AQP8: variants seen among roughly 807,000 people sequenced by gnomAD.
AQP8 encodes the protein aquaporin 8.
Under a neutral mutation model 26.1 loss-of-function variants are expected in AQP8, and 14 were observed. That is an observed-to-expected ratio of 0.54 (90% confidence interval 0.35 to 0.84). The LOEUF (loss-of-function observed/expected upper bound fraction) is 0.84. Ranked by LOEUF, AQP8 falls within the 40% of genes least tolerant of loss-of-function variation. AQP8 has a pLI of 0.01. For synonymous variants in AQP8, 131 were observed against 150.7 expected (o/e 0.87, Z 0.96); for missense variants, 301 against 340.5 (o/e 0.88, Z 0.91).
At position 25,219,106 on chromosome 16, in the gene AQP8, C is replaced by T. The variant is rs143342229; in HGVS notation, c.260+1661C>T. Among the ~76,000 whole-genome samples the T allele has an allele frequency of 1.9e-3, 285 of 151,400 alleles. 18 individuals carry two copies. Among genetic ancestry groups the T allele is most frequent in the African/African-American group, 6.7e-3 (275 of 41,082 alleles). On this transcript the variant is annotated intron_variant, in intron 2 of 5. Coordinates refer to ENST00000219660, the MANE Select transcript of AQP8 (RefSeq NM_001169.3). Reference sequence around the variant, plus strand: ...AATAATAGCTGATGTTTTTTGAATGCTAACTACATAGATACTACTATGGGC... The same window carrying T: ...AATAATAGCTGATGTTTTTTGAATGTTAACTACATAGATACTACTATGGGC...
intron 3 of AQP8, among the ~76,000 whole-genome samples, chr16:25,223,020 C>T (rs776409800): frequency 3.3e-5 from 5 of 152,374 alleles, no homozygotes; most frequent in African/African-American, 2.4e-5. Context: ...CTTATTTCAT[C>T]TCCCAGCAAC....
rs1298440339 is a variant in AQP8 at position 25,222,676 on chromosome 16, T to TG, written c.387+1094dup. Among the ~76,000 whole-genome samples the TG allele has an allele frequency of 3.9e-4, 59 of 149,660 alleles. No homozygotes were observed. In the East Asian group the frequency reaches 0.01, roughly 25 times the overall value. ...AGATGTGGGCCTTGCTTGGTGTGTGTGTGGGGGGTGGTGGATGGGGGAGCT... is the reference window on the plus strand; with the variant it reads ...AGATGTGGGCCTTGCTTGGTGTGTGTGGTGGGGGGTGGTGGATGGGGGAGCT... On this transcript the variant is annotated intron_variant, in intron 3 of 5. Coordinates refer to ENST00000219660, the MANE Select transcript of AQP8 (RefSeq NM_001169.3).
intron 2 of AQP8, among the ~76,000 whole-genome samples, chr16:25,220,007 C>T (rs1424081042): frequency 6.6e-5 from 10 of 151,798 alleles, no homozygotes; most frequent in Admixed American, 6.6e-4. Context: ...TGCACTCCAG[C>T]CTGGGTGACA....
At chr16:25,225,486 T>C (rs75148064) in intron 4 of AQP8, among the ~76,000 whole-genome samples, 1 of 150,100 alleles carries the variant, frequency 6.7e-6, no homozygotes, top group African/African-American at 2.4e-5. Flanking sequence ...TTTTTTTTTT[T>C]AGCTCCGCTT....
intron 4 of AQP8, among the ~76,000 whole-genome samples, chr16:25,226,280 CAG>C (rs1472367645): frequency 6.6e-6 from 1 of 151,914 alleles, no homozygotes; most frequent in East Asian, 1.9e-4. Context: ...GTTTTTGAGA[CAG>C]AGTCTTGCTC....
At chr16:25,217,785 C>T (rs984972511) in intron 2 of AQP8, among the ~76,000 whole-genome samples, 1 of 152,326 alleles carries the variant, frequency 6.6e-6, no homozygotes, top group East Asian at 1.9e-4. Flanking sequence ...GCCTTGGCTT[C>T]CCAAAGTTTT....
chr16:25,226,877 G>A (rs1162321972), intron 4 of AQP8, among the ~76,000 whole-genome samples, 191 bp from the exon 5 acceptor site: 1 of 152,140 alleles, frequency 6.6e-6, no homozygotes, highest in African/African-American at 2.4e-5. Context: ...GCCCAGCGGG[G>A]AGCCATGCCT....
In AQP8 at chr16:25,224,402, C is replaced by T. The variant is rs771158498; in HGVS notation, c.428C>T (p.Ala143Val). 1.7e-5 allele frequency: 27 copies of T among 1,613,868 alleles called. 1 individual carries two copies. Among genetic ancestry groups the T allele is most frequent in the South Asian group, 6.6e-5 (6 of 91,076 alleles). ...GAGAGGTTCTGGAATGCATCTGGGG[C>T]GGCCTTTGTGACAGTCCAGGAGCAG... Reference protein sequence around the residue: ...PEERFWNASGAAFVTVQEQGQ... With the variant: ...PEERFWNASGVAFVTVQEQGQ... Residue 143 changes from alanine to valine, a missense_variant, in exon 4 of 6, where the codon GCG (alanine) becomes GTG (valine). Physicochemically the swap from Ala to Val is moderately conservative, Grantham distance 64. Transcript: ENST00000219660.
chr16:25,217,524 C>T, intron 2 of AQP8, 79 bp downstream of exon 2: 1 of 1,556,780 alleles, frequency 6.4e-7, no homozygotes, highest in South Asian at 1.2e-5. Flanking sequence ...GTCAAGGACC[C>T]CTGGGCGCAT....
chr16:25,221,528 TC>T lies in AQP8; in HGVS notation c.335del (p.Pro112ArgfsTer20). On this transcript the variant is annotated frameshift_variant, in exon 3 of 6. Transcript: ENST00000219660. LOFTEE classifies it high-confidence loss of function. ...GGAGGCCTCAACCTGGTGATGCTCC[TC>T]CCGTACTGGGTCTCACAGCTGCTCG... ...LIGGLNLVMLLPYWVSQLLGG... is the reference protein window; with the variant it reads ...LIGGLNLVMLXPYWVSQLLGG... 6.2e-7 allele frequency: 1 copy of T among 1,614,044 alleles called. No individual in the cohort carries two copies. Among genetic ancestry groups the T allele is most frequent in the Non-Finnish European group, 8.5e-7 (1 of 1,179,988 alleles).
chr16:25,217,344 C>G lies in AQP8; in HGVS notation c.159C>G (p.Cys53Trp). The change falls in exon 2 of 6, where the codon TGC becomes TGG. Residue 53 changes from cysteine to tryptophan, a missense_variant. Physicochemically the swap from Cys to Trp is radical, Grantham distance 215. Transcript: ENST00000219660. ...LGSALFIFIGCLSVIENGTDT... is the reference protein window; with the variant it reads ...LGSALFIFIGWLSVIENGTDT... ...CTGCTCTCTTCATCTTCATCGGGTG[C>G]CTGTCGGTCATTGAGAATGGGACGG... 1 of 1,614,146 alleles carries G rather than the reference C, an allele frequency of 6.2e-7. No homozygotes were observed. The highest frequency in any genetic ancestry group is 8.5e-7 in the Non-Finnish European group (1 of 1,180,010).
Position 25,228,440 on chromosome 16 carries a change from G to C in AQP8, c.738-4G>C, listed in dbSNP as rs767957341. On this transcript the variant is annotated splice_region_variant and splice_polypyrimidine_tract_variant and intron_variant, in intron 5 of 5. Transcript: ENST00000219660. ...GAGACCTTACTGGGTCATCTTTCTT[G>C]CAGGTGCTTCATTGGAGATGGGAAG... is the stretch of plus-strand genomic sequence containing the variant. The C allele has an allele frequency of 9.3e-6, 15 of 1,613,784 alleles. No individual in the cohort carries two copies. In the Admixed American group the frequency reaches 1.7e-4, roughly 18 times the overall value.
At chr16:25,223,431 G>A (rs915709621) in intron 3 of AQP8, among the ~76,000 whole-genome samples, 2 of 152,232 alleles carry the variant, frequency 1.3e-5, no homozygotes, top group Non-Finnish European at 2.9e-5. Context: ...CACGCATGGC[G>A]GCTGGTGCCT....
chr16:25,227,616 G>T lies in AQP8; in HGVS notation c.737+414G>T, dbSNP rs374201862. On this transcript the variant is annotated intron_variant, in intron 5 of 5. Transcript: ENST00000219660. Reference sequence around the variant, plus strand: ...AGATTCTCCTGCCTCAGCCTGCCAAGCAGCTGGGACTACAGGCGCCGCCAC... The same window carrying T: ...AGATTCTCCTGCCTCAGCCTGCCAATCAGCTGGGACTACAGGCGCCGCCAC... Among the ~76,000 whole-genome samples, 7 of 152,172 alleles carry T rather than the reference G, an allele frequency of 4.6e-5. 1 individual carries two copies.
rs1425412249 is a variant in AQP8, at chr16:25,224,529, G to C, written c.555G>C (p.Leu185=). The change falls in exon 4 of 6, where the codon CTG becomes CTC. Residue 185 remains leucine (L), a synonymous_variant. Transcript: ENST00000219660. ...TCAATGAGAAGACAAAGGGCCCTCT[G>C]GCCCCGTTCTCCATCGGCTTTGCCG... ...GAINEKTKGP[L]APFSIGFAVT... 6.2e-7 allele frequency: 1 copy of C among 1,613,790 alleles called. No homozygotes were observed. The highest frequency in any genetic ancestry group is 1.1e-5 in the South Asian group (1 of 91,088).
chr16:25,227,989 G>A (rs982702332), intron 5 of AQP8, among the ~76,000 whole-genome samples: 13 of 151,300 alleles, frequency 8.6e-5, no homozygotes, highest in Admixed American at 7.3e-4. Context: ...AGCAGGACCC[G>A]GGCATGTGGT....
chr16:25,222,277 T>C (rs1962573154), intron 3 of AQP8, among the ~76,000 whole-genome samples: 1 of 152,194 alleles, frequency 6.6e-6, no homozygotes, highest in Non-Finnish European at 1.5e-5. Context: ...CACTTGTTTA[T>C]CTGCTGACCT....
At chr16:25,224,890 T>G (rs1270525204) in intron 4 of AQP8, among the ~76,000 whole-genome samples, 1 of 152,254 alleles carries the variant, frequency 6.6e-6, no homozygotes, top group Non-Finnish European at 1.5e-5. Flanking sequence ...ATACAACATT[T>G]CTGTGAACTG....
At chr16:25,227,636 C>T (rs546192293) in intron 5 of AQP8, among the ~76,000 whole-genome samples, 4 of 152,102 alleles carry the variant, frequency 2.6e-5, no homozygotes, top group East Asian at 2.0e-4. Flanking sequence ...CTACAGGCGC[C>T]GCCACCACGC....
Sources: allele counts gnomAD v4.1 joint callset (sites outside exome capture counted in the v4.1 genomes callset), GRCh38; gene constraint gnomAD v4.1.1; transcripts MANE v1.5; gene names NCBI Gene and HGNC (gene_info 2026-07-23, HGNC 2026-07-21).